The following USP9X variants were observed in gnomAD, a reference collection of about 807,000 sequenced individuals.
The protein encoded by USP9X is ubiquitin specific peptidase 9 X-linked, also known as ubiquitin carboxyl-terminal hydrolase 9X.
A neutral mutation model predicts 190.3 loss-of-function variants in USP9X; 7 were observed. The ratio of observed to expected loss-of-function variants is 0.04; its 90% CI spans 0.02 to 0.07. The LOEUF is 0.07. Ranked by LOEUF, USP9X falls within the 10% of genes least tolerant of loss-of-function variation. The pLI is 1.00. For synonymous variants in USP9X, 645 were observed against 659.5 expected, an observed-to-expected ratio of 0.98 and a Z score of 0.34; for missense variants, 1,010 against 1,916.9, an observed-to-expected ratio of 0.53 and a Z score of 8.83.
chrX:41,206,905 G>A (rs1046661842), intron 32 of USP9X, among the ~76,000 whole-genome samples: 1 of 107,841 alleles, frequency 9.3e-6, no homozygotes, highest in Non-Finnish European at 1.9e-5. Context: ...CTCCTGAGTA[G>A]CTAGGGTTAA....
At chrX:41,091,259 A>G (rs1399964754) in intron 1 of USP9X, among the ~76,000 whole-genome samples, 1 of 111,690 alleles carries the variant, frequency 9.0e-6, no homozygotes, top group Non-Finnish European at 1.9e-5. Context: ...AGTGAGCCCA[A>G]ATGTCAAGTA....
intron 3 of USP9X, among the ~76,000 whole-genome samples, chrX:41,131,168 A>G (rs149049344): frequency 7.0e-4 from 78 of 111,212 alleles, no homozygotes; most frequent in African/African-American, 2.4e-3. Flanking sequence ...ATTAGTTAAT[A>G]TTTGATTGTT....
intron 21 of USP9X, among the ~76,000 whole-genome samples, chrX:41,173,706 A>G (rs749030181): frequency 3.2e-4 from 36 of 112,243 alleles, no homozygotes; most frequent in Non-Finnish European, 1.3e-4. Context: ...AGATATAGTC[A>G]GCCCTCCATA....
chrX:41,185,294 G>A (rs2062863927), intron 23 of USP9X, among the ~76,000 whole-genome samples: 1 of 112,221 alleles, frequency 8.9e-6, no homozygotes, highest in Non-Finnish European at 1.9e-5. Context: ...AGATCAGAAT[G>A]TTGATATTTA....
intron 4 of USP9X, among the ~76,000 whole-genome samples, chrX:41,134,444 T>C (rs1242245796): frequency 8.9e-6 from 1 of 112,291 alleles, no homozygotes; most frequent in Non-Finnish European, 1.9e-5. Context: ...GGGAAATGCT[T>C]TTAAGGTCAA....
rs2147158960 is a variant in USP9X at position 41,184,628 on chromosome X, G to T, written c.3511G>T (p.Ala1171Ser). 8.3e-7 allele frequency: 1 copy of T among 1,211,746 alleles called. No individual in the cohort carries two copies. The highest frequency in any genetic ancestry group is 1.1e-6 in the Non-Finnish European group (1 of 895,375). The change falls in exon 23 of 45, where the codon GCA (alanine) becomes TCA (serine). Residue 1171 changes from alanine (A) to serine (S), a missense_variant. Ala to Ser is a moderately conservative substitution (Grantham distance 99). Around this residue, in one of 11 missense-constraint regions of USP9X, gnomAD observed 351 missense variants for 480.8 expected, o/e 0.73. Transcript: ENST00000378308. ...TGGCTATGGTCATGTTCGAGCTGTG[G>T]CAGAAGCTTGTCAGCCAGGTGTAGA... ...AIGYGHVRAV[A>S]EACQPGVEGV...
intron 10 of USP9X, among the ~76,000 whole-genome samples, chrX:41,144,220 AT>A (rs66463654): frequency 5.6e-4 from 50 of 89,628 alleles, no homozygotes; most frequent in African/African-American, 1.1e-3. Context: ...TAATGTTAGA[AT>A]TTTTTTTTTT....
chrX:41,184,889 T>C, intron 23 of USP9X: 1 of 353,132 alleles, frequency 2.8e-6, no homozygotes, highest in Non-Finnish European at 4.9e-6. Flanking sequence ...CACTTAAATC[T>C]TGCTTGACTT....
At chrX:41,217,830 C>T (rs2063226225) in intron 36 of USP9X, among the ~76,000 whole-genome samples, 1 of 111,615 alleles carries the variant, frequency 9.0e-6, no homozygotes, top group Non-Finnish European at 1.9e-5. Context: ...GTTGAAGCTG[C>T]AGTGAGCCAT....
At chrX:41,193,736 G>T (rs2062958010) in intron 26 of USP9X, among the ~76,000 whole-genome samples, 1 of 111,259 alleles carries the variant, frequency 9.0e-6, no homozygotes, top group South Asian at 3.8e-4. Context: ...GCTGAGGTGG[G>T]AAGATTGCTT....
At chrX:41,227,167 A>G (rs1290990783) in intron 41 of USP9X, among the ~76,000 whole-genome samples, 1 of 112,349 alleles carries the variant, frequency 8.9e-6, no homozygotes, top group Non-Finnish European at 1.9e-5. Flanking sequence ...CTTTTAGTTC[A>G]TTCAGTAAAC....
rs927933529 is a variant in USP9X, at chrX:41,229,386, C to G, written c.7195C>G (p.Pro2399Ala). The change falls in exon 42 of 45, where the codon CCT (proline) becomes GCT (alanine). Residue 2399 changes from proline to alanine, a missense_variant. By Grantham distance (27) the Pro-to-Ala change is conservative (BLOSUM62 -1). Coordinates refer to ENST00000378308, the MANE Select transcript of USP9X (RefSeq NM_001039591.3). Reference sequence around the variant, plus strand: ...TATGGTAGCTCTATTTAGTAACTGTCCTGTTGCTTACCAAATCCTGCAGGT... The same window carrying G: ...TATGGTAGCTCTATTTAGTAACTGTGCTGTTGCTTACCAAATCCTGCAGGT... Reference protein sequence around the residue: ...KCMVALFSNCPVAYQILQGNG... With the variant: ...KCMVALFSNCAVAYQILQGNG... 16 of 1,181,541 alleles carry G rather than the reference C, an allele frequency of 1.4e-5. No homozygotes were observed. The highest frequency in any genetic ancestry group is 1.8e-5 in the Non-Finnish European group (16 of 884,635).
chrX:41,113,395 TTTCACCGTGTTAGCCAGGA>T (rs1045436755), intron 1 of USP9X, among the ~76,000 whole-genome samples: 4 of 110,593 alleles, frequency 3.6e-5, no homozygotes, highest in Non-Finnish European at 7.6e-5. Context: ...AGAGACAGGG[TTTCACCGTGTTAGCCAGGA>T]TGGTCTCCAA....
At chrX:41,110,767 A>G (rs2062103323) in intron 1 of USP9X, among the ~76,000 whole-genome samples, 1 of 112,282 alleles carries the variant, frequency 8.9e-6, no homozygotes, top group African/African-American at 3.2e-5. Flanking sequence ...AGTTGGAAAA[A>G]TAAGTTAAAG....
chrX:41,195,785 T>C, intron 26 of USP9X: 1 of 271,475 alleles, frequency 3.7e-6, no homozygotes, highest in African/African-American at 2.8e-5. Flanking sequence ...ATAATGCTCA[T>C]TTGGCCTTCT....
intron 18 of USP9X, among the ~76,000 whole-genome samples, chrX:41,168,934 A>G (rs1490748568): frequency 2.7e-5 from 3 of 111,971 alleles, no homozygotes; most frequent in Non-Finnish European, 5.6e-5. Flanking sequence ...GAAATTATAT[A>G]CAGTTGCTTC....
intron 4 of USP9X, among the ~76,000 whole-genome samples, chrX:41,132,978 T>C (rs7062643): frequency 0.19 from 21,494 of 111,171 alleles, 1,585 homozygotes; most frequent in Admixed American, 0.27. Context: ...GTAATAACTT[T>C]CAATTCATTT....
chrX:41,197,331 T>TGCCCCCCCCCCCCCC, intron 28 of USP9X, 33 bp from the exon 29 acceptor site: 4 of 486,757 alleles, frequency 8.2e-6, no homozygotes, highest in Non-Finnish European at 1.2e-5. Flanking sequence ...TTTGATTTCT[T>TGCCCCCCCCCCCCCC]CCCCCCCCCA....
intron 6 of USP9X, among the ~76,000 whole-genome samples, chrX:41,137,443 A>C (rs1436114301): frequency 8.9e-5 from 10 of 111,863 alleles, no homozygotes. Context: ...TAATGAAATC[A>C]ATATAGTAAA....
Sources: gnomAD v4.1 joint callset for allele counts (sites outside exome capture counted in the v4.1 genomes callset) on GRCh38, gnomAD v4.1.1 for gene constraint, gnomAD v4.1.1 regional missense constraint, MANE v1.5 for transcripts, NCBI Gene and HGNC (gene_info 2026-07-23, HGNC 2026-07-21) for gene names.